UPRT: variants seen among roughly 807,000 people sequenced by gnomAD.
UPRT encodes uracil phosphoribosyltransferase homolog, also known as RP11-311P8.3.
UPRT carries 5 observed loss-of-function variants against 22.6 expected under a neutral mutation model. The ratio of observed to expected loss-of-function variants is 0.22; its 90% CI spans 0.12 to 0.47. UPRT has a LOEUF of 0.47. Ranked by LOEUF, UPRT falls within the 20% of genes least tolerant of loss-of-function variation. The pLI is 0.99. For missense variants in UPRT, 181 were observed against 239.9 expected (o/e 0.75, Z 1.62); for synonymous variants, 77 against 87.7 (o/e 0.88, Z 0.68).
chrX:75,163,992 ACATGGCGAAACCC>A lies in UPRT; in HGVS notation c.-521+771_-521+783del, dbSNP rs780344337. 6.3e-5 allele frequency among the ~76,000 whole-genome samples: 7 copies of A among 111,194 alleles called. No homozygotes were observed. In the South Asian group the frequency reaches 2.7e-3, roughly 43 times the overall value. On this transcript the variant is annotated intron_variant, in intron 3 of 13. Coordinates refer to the UPRT transcript ENST00000652605. The stretch of plus-strand genomic sequence containing the variant: ...CAGGAGTTCAAGACCAGCCTGGCCA[ACATGGCGAAACCC>A]CATCTCTACTAAAGATACAAAAATT...
chrX:75,177,492 C>A (rs1489900068), intron 4 of UPRT, among the ~76,000 whole-genome samples: 2 of 110,718 alleles, frequency 1.8e-5, no homozygotes, highest in African/African-American at 6.6e-5. Context: ...TCTCAAAAAC[C>A]TGTTAGAGTC....
chrX:75,211,402 C>T (rs2082380066), intron 4 of UPRT, among the ~76,000 whole-genome samples: 1 of 110,860 alleles, frequency 9.0e-6, no homozygotes, highest in Admixed American at 9.6e-5. Context: ...CAGAGGAGAC[C>T]TCTCACCCAG....
chrX:75,265,426 C>A (rs953195569), intron 4 of UPRT, among the ~76,000 whole-genome samples: 30 of 111,578 alleles, frequency 2.7e-4, no homozygotes, highest in African/African-American at 9.7e-4. Flanking sequence ...TCATTTCATT[C>A]ATTTGATCTT....
At chrX:75,174,339 A>T (rs1173310729) in intron 4 of UPRT, among the ~76,000 whole-genome samples, 1 of 111,639 alleles carries the variant, frequency 9.0e-6, no homozygotes, top group African/African-American at 3.3e-5. Flanking sequence ...CCCCAGTAGA[A>T]GTTGTTAGTT....
At chrX:75,251,487 T>G (rs1441189763) in intron 4 of UPRT, among the ~76,000 whole-genome samples, 1 of 111,064 alleles carries the variant, frequency 9.0e-6, no homozygotes, top group African/African-American at 3.3e-5. Context: ...ATAAAATACC[T>G]AGGAATCCAA....
At chrX:75,203,514 A>T (rs756490385) in intron 4 of UPRT, among the ~76,000 whole-genome samples, 3,368 of 89,565 alleles carry the variant, frequency 0.038, 63 homozygotes, top group African/African-American at 0.084. Flanking sequence ...ACACACACAC[A>T]CTCACACACA....
intron 4 of UPRT, chrX:75,202,849 A>G (rs1444931577): frequency 2.7e-5 from 3 of 112,213 alleles, no homozygotes; most frequent in African/African-American, 9.7e-5. Flanking sequence ...GAAAAAACAC[A>G]TTAAAGTACA....
At chrX:75,185,011 T>C (rs1276663187) in intron 4 of UPRT, among the ~76,000 whole-genome samples, 1 of 111,267 alleles carries the variant, frequency 9.0e-6, no homozygotes, top group African/African-American at 3.3e-5. Context: ...ATACCCTTTG[T>C]TTCCTTCTCC....
intron 4 of UPRT, among the ~76,000 whole-genome samples, chrX:75,263,166 G>T (rs968414051): frequency 9.0e-6 from 1 of 111,052 alleles, no homozygotes; most frequent in African/African-American, 3.3e-5. Flanking sequence ...CAGGGATATT[G>T]GTCTAAAATT....
At chrX:75,190,148 C>T (rs2082309989) in intron 4 of UPRT, among the ~76,000 whole-genome samples, 1 of 111,997 alleles carries the variant, frequency 8.9e-6, no homozygotes, top group South Asian at 3.8e-4. Context: ...GTGCTTCCTT[C>T]AGGAGCTCTT....
At chrX:75,193,076 T>C (rs140166306) in intron 4 of UPRT, among the ~76,000 whole-genome samples, 100 of 112,426 alleles carry the variant, frequency 8.9e-4, no homozygotes, top group African/African-American at 3.1e-3. Context: ...GTCTACGTAC[T>C]TAAGTATGTT....
In UPRT at chrX:75,299,718, C is replaced by T. The variant is rs775276745; in HGVS notation, c.563-17C>T. Reference sequence around the variant, plus strand: ...CTCTTTCCCCTAATCTTTTTTCTTTCTTTTTTCTTCTTCAAGGTGAGGCAA... The same window carrying T: ...CTCTTTCCCCTAATCTTTTTTCTTTTTTTTTTCTTCTTCAAGGTGAGGCAA... On this transcript the variant is annotated splice_polypyrimidine_tract_variant and intron_variant, in intron 4 of 6. Transcript: ENST00000373383. 6 of 1,177,657 alleles carry T rather than the reference C, an allele frequency of 5.1e-6. No homozygotes were observed. The highest frequency in any genetic ancestry group is 2.4e-5 in the Admixed American group (1 of 42,105).
At chrX:75,193,768 A>G (rs1481625144) in intron 4 of UPRT, among the ~76,000 whole-genome samples, 1 of 111,448 alleles carries the variant, frequency 9.0e-6, no homozygotes, top group African/African-American at 3.3e-5. Flanking sequence ...AAATTGCATC[A>G]TGAAATTCTT....
At chrX:75,185,951 G>A (rs1408510688) in intron 4 of UPRT, among the ~76,000 whole-genome samples, 20 of 109,511 alleles carry the variant, frequency 1.8e-4, no homozygotes, top group African/African-American at 5.3e-4. Context: ...TATCAATTTT[G>A]TTGATCCTTT....
intron 4 of UPRT, among the ~76,000 whole-genome samples, chrX:75,253,555 G>A (rs1388057080): frequency 8.9e-6 from 1 of 111,900 alleles, no homozygotes; most frequent in Non-Finnish European, 1.9e-5. Flanking sequence ...AGAGGATCAT[G>A]GCAGATGGGA....
chrX:75,194,090 G>A (rs1385294169), intron 4 of UPRT, among the ~76,000 whole-genome samples: 1 of 111,828 alleles, frequency 8.9e-6, no homozygotes, highest in African/African-American at 3.3e-5. Flanking sequence ...GTGGGCTAAT[G>A]TTTCCTTTAA....
chrX:75,190,612 C>G (rs1268275308), intron 4 of UPRT, among the ~76,000 whole-genome samples: 1 of 112,211 alleles, frequency 8.9e-6, no homozygotes, highest in Non-Finnish European at 1.9e-5. Flanking sequence ...CTTTCAGGTA[C>G]TCCAGTCAGA....
chrX:75,247,171 A>T (rs1425457769), intron 4 of UPRT, among the ~76,000 whole-genome samples: 3 of 111,420 alleles, frequency 2.7e-5, no homozygotes, highest in Non-Finnish European at 5.7e-5. Flanking sequence ...AAGATGGGTG[A>T]TTTCTGCATT....
intron 4 of UPRT, among the ~76,000 whole-genome samples, chrX:75,221,183 G>A (rs1465561838): frequency 9.0e-6 from 1 of 110,732 alleles, no homozygotes; most frequent in Non-Finnish European, 1.9e-5. Flanking sequence ...CCTGCTGCCA[G>A]ATGCTGTGTT....
Sources: gnomAD v4.1 joint callset for allele counts (sites outside exome capture counted in the v4.1 genomes callset) on GRCh38, gnomAD v4.1.1 for gene constraint, MANE v1.5 for transcripts, NCBI Gene and HGNC (gene_info 2026-07-23, HGNC 2026-07-21) for gene names.